Variants in RNGTT observed in about 807,000 individuals in gnomAD.
RNGTT encodes RNA guanylyltransferase and 5'-phosphatase, also known as mRNA-capping enzyme.
In RNGTT, 33 loss-of-function variants were observed where a neutral mutation model predicts 79.3. That is an observed-to-expected ratio of 0.42 (90% CI 0.32 to 0.56). RNGTT has a LOEUF of 0.56. Ranked by LOEUF, RNGTT falls within the 20% of genes least tolerant of loss-of-function variation. RNGTT has a pLI of 0.17. For missense variants in RNGTT, 497 were observed against 739.1 expected, an observed-to-expected ratio of 0.67 and a Z score of 3.80; for synonymous variants, 222 against 235.9, an observed-to-expected ratio of 0.94 and a Z score of 0.54.
chr6:88,696,635 A>C (rs898409603), intron 13 of RNGTT, among the ~76,000 whole-genome samples: 1 of 133,236 alleles, frequency 7.5e-6, no homozygotes, highest in African/African-American at 2.8e-5. Context: ...CACACACACA[A>C]AATGTGTAAA....
intron 8 of RNGTT, among the ~76,000 whole-genome samples, chr6:88,858,280 C>G (rs1781901593): frequency 6.6e-6 from 1 of 152,094 alleles, no homozygotes; most frequent in Non-Finnish European, 1.5e-5. Flanking sequence ...TGGAGCCAGT[C>G]TAGATGCTAG....
chr6:88,735,224 T>G (rs1320907883), intron 13 of RNGTT, among the ~76,000 whole-genome samples: 1 of 152,108 alleles, frequency 6.6e-6, no homozygotes, highest in Non-Finnish European at 1.5e-5. Context: ...AATCCACTGT[T>G]ATGTAGCTAG....
intron 13 of RNGTT, among the ~76,000 whole-genome samples, chr6:88,714,962 C>G (rs1419135374): frequency 6.6e-6 from 1 of 152,042 alleles, no homozygotes; most frequent in Non-Finnish European, 1.5e-5. Flanking sequence ...AAGTTCTGGC[C>G]AGGGCAATTA....
rs371586584 is a variant in RNGTT at position 88,844,346 on chromosome 6, T to C, written c.1269+11A>G. 145 of 1,604,162 alleles carry C rather than the reference T, an allele frequency of 9.0e-5. No homozygotes were observed. The highest frequency in any genetic ancestry group is 1.1e-4 in the Non-Finnish European group (130 of 1,176,270). Reference sequence around the variant, plus strand: ...TTATTAGCACTAATTTAAAAAAAAATTAAACTTTACCTTTCTTGAAGTACA... The same window carrying C: ...TTATTAGCACTAATTTAAAAAAAAACTAAACTTTACCTTTCTTGAAGTACA... On this transcript the variant is annotated intron_variant, in intron 11 of 15. Transcript: ENST00000369485.
chr6:88,912,212 G>C (rs983778252), intron 4 of RNGTT, among the ~76,000 whole-genome samples: 1 of 151,954 alleles, frequency 6.6e-6, no homozygotes, highest in South Asian at 2.1e-4. Context: ...AGACCAGCCT[G>C]GGCAATAAAG....
intron 13 of RNGTT, among the ~76,000 whole-genome samples, chr6:88,756,538 T>A (rs79016892): frequency 0.049 from 7,429 of 152,212 alleles, 244 homozygotes; most frequent in Non-Finnish European, 0.076. Context: ...TACTTTAGCA[T>A]ACAAATGTTG....
intron 8 of RNGTT, among the ~76,000 whole-genome samples, chr6:88,859,555 T>C (rs1033201446): frequency 6.6e-6 from 1 of 152,164 alleles, no homozygotes; most frequent in African/African-American, 2.4e-5. Context: ...CCCTGTAGCT[T>C]AAGTTTGAAT....
intron 6 of RNGTT, among the ~76,000 whole-genome samples, chr6:88,902,932 G>A (rs578067520): frequency 2.6e-4 from 39 of 151,976 alleles, no homozygotes; most frequent in Middle Eastern, 3.4e-3. Context: ...CTGACCTCAC[G>A]ATCCACCCAC....
At chr6:88,677,283 A>AG (rs1323935185) in intron 14 of RNGTT, among the ~76,000 whole-genome samples, 4 of 136,946 alleles carry the variant, frequency 2.9e-5, no homozygotes, top group South Asian at 2.4e-4. Flanking sequence ...CCTGGAGACC[A>AG]GGAAAAAAAA....
At chr6:88,811,778 A>G (rs1780147128) in intron 11 of RNGTT, among the ~76,000 whole-genome samples, 1 of 152,192 alleles carries the variant, frequency 6.6e-6, no homozygotes, top group Non-Finnish European at 1.5e-5. Flanking sequence ...GTTCTGGTCT[A>G]TTCTACTCAG....
intron 12 of RNGTT, among the ~76,000 whole-genome samples, chr6:88,785,136 C>T (rs1310753128): frequency 6.6e-6 from 1 of 152,054 alleles, no homozygotes; most frequent in African/African-American, 2.4e-5. Context: ...AGAACTATCC[C>T]TAATTCATTA....
chr6:88,933,535 T>C (rs1412999178), intron 2 of RNGTT, among the ~76,000 whole-genome samples: 1 of 151,994 alleles, frequency 6.6e-6, no homozygotes, highest in Non-Finnish European at 1.5e-5. Flanking sequence ...GGCTGGAATG[T>C]AGTAGCACAA....
At chr6:88,633,709 G>T (rs1252290453) in intron 14 of RNGTT, among the ~76,000 whole-genome samples, 2 of 152,114 alleles carry the variant, frequency 1.3e-5, no homozygotes, top group Admixed American at 6.6e-5. Flanking sequence ...ACTTAGGACT[G>T]AAAACCAAAT....
intron 11 of RNGTT, among the ~76,000 whole-genome samples, chr6:88,839,085 A>T (rs538493508): frequency 6.6e-6 from 1 of 152,244 alleles, no homozygotes; most frequent in African/African-American, 2.4e-5. Flanking sequence ...TCAACAGACT[A>T]AAAATAACCC....
chr6:88,908,009 C>A (rs1783711959), intron 4 of RNGTT, among the ~76,000 whole-genome samples: 1 of 152,142 alleles, frequency 6.6e-6, no homozygotes, highest in South Asian at 2.1e-4. Flanking sequence ...TCTGGGATTA[C>A]AGGCATGAGC....
chr6:88,641,062 C>T (rs903227556), intron 14 of RNGTT, among the ~76,000 whole-genome samples: 4 of 152,080 alleles, frequency 2.6e-5, no homozygotes, highest in African/African-American at 9.7e-5. Flanking sequence ...GACGACCGGC[C>T]GGGTGCGGTG....
intron 12 of RNGTT, among the ~76,000 whole-genome samples, chr6:88,779,203 G>GT (rs1399132876): frequency 6.6e-6 from 1 of 152,186 alleles, no homozygotes; most frequent in Non-Finnish European, 1.5e-5. Flanking sequence ...AAGAAAAAGA[G>GT]TAAGTTTGTG....
At chr6:88,841,938 T>C (rs1476390622) in intron 11 of RNGTT, among the ~76,000 whole-genome samples, 1 of 152,198 alleles carries the variant, frequency 6.6e-6, no homozygotes. Context: ...CAATCAAGCA[T>C]GGGACCATGT....
At chr6:88,926,630 A>T (rs1784327522) in intron 4 of RNGTT, among the ~76,000 whole-genome samples, 1 of 152,208 alleles carries the variant, frequency 6.6e-6, no homozygotes, top group East Asian at 1.9e-4. Context: ...CTGTTATAGA[A>T]GAGAGAGGTA....
Sources: allele counts gnomAD v4.1 joint callset (sites outside exome capture counted in the v4.1 genomes callset), GRCh38; gene constraint gnomAD v4.1.1; transcripts MANE v1.5; gene names NCBI Gene and HGNC (gene_info 2026-07-23, HGNC 2026-07-21).